Variants in GRM1 observed in about 807,000 individuals in gnomAD.
GRM1 encodes the protein glutamate metabotropic receptor 1, also known as metabotropic glutamate receptor 1.
Under a neutral mutation model 90.9 loss-of-function variants are expected in GRM1, and 33 were observed. The observed-to-expected ratio is 0.36, with a 90% CI of 0.28 to 0.49. GRM1 has a LOEUF of 0.49. Among genes scored for constraint, GRM1 ranks in the 20% least tolerant of loss-of-function variants. GRM1 has a pLI of 0.99. For synonymous variants in GRM1, 700 were observed against 613.2 expected (o/e 1.14, Z -2.09); for missense variants, 1,190 against 1,534.3 (o/e 0.78, Z 3.75).
intron 6 of GRM1, among the ~76,000 whole-genome samples, chr6:146,392,974 T>C (rs1261371407): frequency 2.0e-5 from 3 of 152,206 alleles, no homozygotes; most frequent in Non-Finnish European, 4.4e-5. Context: ...TTTGCTATTG[T>C]GAATAGTGCT....
At chr6:146,289,619 C>T (rs1217262615) in intron 2 of GRM1, among the ~76,000 whole-genome samples, 1 of 152,178 alleles carries the variant, frequency 6.6e-6, no homozygotes, top group Admixed American at 6.5e-5. Context: ...TCACCACTCA[C>T]TCATTGTCTC....
chr6:146,208,427 C>T (rs1174054222), intron 2 of GRM1, among the ~76,000 whole-genome samples: 1 of 152,112 alleles, frequency 6.6e-6, no homozygotes, highest in Admixed American at 6.5e-5. Flanking sequence ...TTTCATTTCA[C>T]AATTTTAAGT....
chr6:146,178,196 C>A (rs1442144856), intron 2 of GRM1, among the ~76,000 whole-genome samples: 1 of 152,126 alleles, frequency 6.6e-6, no homozygotes, highest in Non-Finnish European at 1.5e-5. Context: ...TCAGACTTTC[C>A]TTGCTTTGAT....
chr6:146,059,383 GA>G (rs1477107918), intron 1 of GRM1, among the ~76,000 whole-genome samples: 3 of 152,086 alleles, frequency 2.0e-5, no homozygotes. Flanking sequence ...CTGAGCAGTA[GA>G]TCTCAACAGT....
At chr6:146,274,533 C>T (rs185845013) in intron 2 of GRM1, among the ~76,000 whole-genome samples, 1 of 152,164 alleles carries the variant, frequency 6.6e-6, no homozygotes, top group Admixed American at 6.5e-5. Context: ...TTTTTGTTCT[C>T]ACAGTATTTA....
intron 2 of GRM1, among the ~76,000 whole-genome samples, chr6:146,270,721 T>A (rs2114820587): frequency 6.6e-6 from 1 of 152,272 alleles, no homozygotes; most frequent in African/African-American, 2.4e-5. Context: ...AACTACAAAC[T>A]AATTTTCATG....
intron 1 of GRM1, among the ~76,000 whole-genome samples, chr6:146,138,306 T>G (rs1254934828): frequency 1.3e-5 from 2 of 152,128 alleles, no homozygotes; most frequent in Admixed American, 1.3e-4. Flanking sequence ...TGCATATCGT[T>G]TTTATTATGT....
intron 1 of GRM1, among the ~76,000 whole-genome samples, chr6:146,148,768 G>A (rs1025620831): frequency 2.0e-5 from 3 of 152,090 alleles, no homozygotes; most frequent in Non-Finnish European, 4.4e-5. Context: ...TGCCAACAGT[G>A]GATATTATCA....
At chr6:146,120,474 G>T (rs974251623) in intron 1 of GRM1, among the ~76,000 whole-genome samples, 2 of 152,116 alleles carry the variant, frequency 1.3e-5, no homozygotes, top group Admixed American at 1.3e-4. Flanking sequence ...CCAACACTAT[G>T]TTGAATAGGA....
At chr6:146,218,312 C>T (rs1029373921) in intron 2 of GRM1, among the ~76,000 whole-genome samples, 1 of 152,074 alleles carries the variant, frequency 6.6e-6, no homozygotes, top group Non-Finnish European at 1.5e-5. Context: ...CCTTTCAATG[C>T]CCTATATAAA....
chr6:146,035,185 G>T (rs1790844285), intron 1 of GRM1, among the ~76,000 whole-genome samples: 2 of 151,800 alleles, frequency 1.3e-5, no homozygotes, highest in Admixed American at 1.3e-4. Context: ...AAGAGTCTGG[G>T]GTAAGAACTA....
intron 3 of GRM1, among the ~76,000 whole-genome samples, chr6:146,331,219 A>G (rs997451516): frequency 3.3e-5 from 5 of 152,164 alleles, no homozygotes; most frequent in African/African-American, 1.2e-4. Flanking sequence ...GAAATGATCT[A>G]TGAGCTATAC....
chr6:146,338,617 C>T (rs1303696339), intron 3 of GRM1, among the ~76,000 whole-genome samples: 1 of 152,188 alleles, frequency 6.6e-6, no homozygotes, highest in Non-Finnish European at 1.5e-5. Flanking sequence ...CCTGTCTATG[C>T]TAAACGTCTA....
chr6:146,434,313 C>T lies in GRM1; in HGVS notation c.3102C>T (p.Leu1034=). Residue 1034 remains leucine (L), a synonymous_variant, in exon 8 of 8, where the codon CTC becomes CTT. Transcript: ENST00000282753. ...PPQQKSLMDQ[L]QGVVSNFSTA... ...AGCAGAAATCGCTGATGGACCAGCTCCAGGGAGTGGTCAGCAACTTCAGTA... is the reference window on the plus strand; with the variant it reads ...AGCAGAAATCGCTGATGGACCAGCTTCAGGGAGTGGTCAGCAACTTCAGTA... 1 of 1,609,958 alleles carries T rather than the reference C, an allele frequency of 6.2e-7. No homozygotes were observed.
chr6:146,259,761 A>T (rs997675746), intron 2 of GRM1, among the ~76,000 whole-genome samples: 1 of 152,132 alleles, frequency 6.6e-6, no homozygotes, highest in African/African-American at 2.4e-5. Context: ...TTCAAGGAAC[A>T]TGGCATACAC....
chr6:146,118,034 TA>T (rs1218621285), intron 1 of GRM1, among the ~76,000 whole-genome samples: 1 of 152,020 alleles, frequency 6.6e-6, no homozygotes, highest in African/African-American at 2.4e-5. Flanking sequence ...CAATGTAGTA[TA>T]AAAAATTTTT....
chr6:146,214,663 T>A lies in GRM1; in HGVS notation c.950+55066T>A, dbSNP rs1583174221. On this transcript the variant is annotated intron_variant, in intron 2 of 7. Coordinates refer to ENST00000282753, the MANE Select transcript of GRM1 (RefSeq NM_001278064.2). ...AGGGGAATATATTTGTAGTACAATG[T>A]GAAGAATAATAGAGTTATGTCCAAA... Among the ~76,000 whole-genome samples the A allele has an allele frequency of 3.3e-5, 5 of 152,288 alleles. No individual in the cohort carries two copies. In the South Asian group the frequency reaches 1.0e-3, roughly 32 times the overall value.
intron 1 of GRM1, among the ~76,000 whole-genome samples, chr6:146,057,873 A>G (rs6914114): frequency 0.021 from 3,163 of 151,892 alleles, 87 homozygotes; most frequent in East Asian, 0.072. Flanking sequence ...TTTTTAAGAA[A>G]TTTTTTATTT....
intron 5 of GRM1, among the ~76,000 whole-genome samples, chr6:146,372,846 T>C (rs1326964504): frequency 3.9e-5 from 6 of 152,168 alleles, no homozygotes; most frequent in Admixed American, 3.9e-4. Context: ...AGTACTCTGC[T>C]GTTTTGGTTA....
Sources: gnomAD v4.1 joint callset for allele counts (sites outside exome capture counted in the v4.1 genomes callset) on GRCh38, gnomAD v4.1.1 for gene constraint, MANE v1.5 for transcripts, NCBI Gene and HGNC (gene_info 2026-07-23, HGNC 2026-07-21) for gene names.